Variants in NEK11 observed in about 807,000 individuals in gnomAD.
NEK11 encodes the protein serine/threonine-protein kinase Nek11.
In NEK11, 72 loss-of-function variants were observed where a neutral mutation model predicts 80.7. The ratio of observed to expected loss-of-function variants is 0.89; its 90% CI spans 0.74 to 1.08. NEK11 has a LOEUF of 1.08. Among genes scored for constraint, NEK11 ranks in the 50% least tolerant of loss-of-function variants. The pLI is 0.00. For missense variants in NEK11, 764 were observed against 763.6 expected, an observed-to-expected ratio of 1.00 and a Z score of -0.01; for synonymous variants, 251 against 260.7, an observed-to-expected ratio of 0.96 and a Z score of 0.36.
At chr3:131,174,957 C>T in intron 14 of NEK11, 1 of 1,400,532 alleles carries the variant, frequency 7.1e-7, no homozygotes, top group Non-Finnish European at 9.3e-7. Context: ...TTCAGCCACT[C>T]TTTAAGCAAT....
chr3:131,243,709 A>T (rs1270766531), intron 16 of NEK11, among the ~76,000 whole-genome samples: 2 of 152,216 alleles, frequency 1.3e-5, no homozygotes, highest in African/African-American at 4.8e-5. Context: ...GTCTCCAAGG[A>T]TGAAATAATT....
At chr3:131,146,228 G>C (rs1340665988) in intron 7 of NEK11, among the ~76,000 whole-genome samples, 1 of 152,056 alleles carries the variant, frequency 6.6e-6, no homozygotes, top group Non-Finnish European at 1.5e-5. Flanking sequence ...CTAGCCTTCT[G>C]TTACTTGGAC....
intron 17 of NEK11, among the ~76,000 whole-genome samples, chr3:131,348,180 A>C (rs2097395079): frequency 6.6e-6 from 1 of 152,186 alleles, no homozygotes; most frequent in Admixed American, 6.5e-5. Flanking sequence ...ACTCCTAAAA[A>C]TTTGATGTCA....
At chr3:131,272,142 G>C (rs865975194) in intron 16 of NEK11, among the ~76,000 whole-genome samples, 2 of 152,206 alleles carry the variant, frequency 1.3e-5, no homozygotes, top group Middle Eastern at 3.4e-3. Flanking sequence ...ATGTAAAATG[G>C]GGACTCCACC....
At chr3:131,256,224 C>T (rs200115408) in intron 16 of NEK11, among the ~76,000 whole-genome samples, 19 of 152,110 alleles carry the variant, frequency 1.2e-4, no homozygotes, top group Middle Eastern at 3.4e-3. Context: ...GTTCTTACCA[C>T]GATGAAATGA....
At chr3:131,335,421 T>C (rs1215343579) in intron 17 of NEK11, among the ~76,000 whole-genome samples, 1 of 152,180 alleles carries the variant, frequency 6.6e-6, no homozygotes, top group Non-Finnish European at 1.5e-5. Context: ...TTCAACAACC[T>C]TCATGCTAAA....
intron 17 of NEK11, among the ~76,000 whole-genome samples, chr3:131,321,269 T>C (rs189743217): frequency 6.6e-6 from 1 of 152,244 alleles, no homozygotes; most frequent in Non-Finnish European, 1.5e-5. Flanking sequence ...CCCTATTCAA[T>C]AAATGGTGCT....
intron 14 of NEK11, among the ~76,000 whole-genome samples, chr3:131,195,820 A>ATATATATATATG (rs1553929089): frequency 6.3e-5 from 9 of 143,506 alleles, no homozygotes; most frequent in African/African-American, 2.3e-4. Flanking sequence ...ATATATATAT[A>ATATATATATATG]AAATTGAAGA....
At chr3:131,299,360 A>G (rs2096636030) in intron 17 of NEK11, among the ~76,000 whole-genome samples, 1 of 151,966 alleles carries the variant, frequency 6.6e-6, no homozygotes, top group East Asian at 1.9e-4. Context: ...GTGCCATCAC[A>G]GTAACATTTT....
intron 3 of NEK11, among the ~76,000 whole-genome samples, chr3:131,042,737 T>C (rs571994923): frequency 5.9e-5 from 9 of 152,314 alleles, no homozygotes; most frequent in African/African-American, 2.2e-4. Flanking sequence ...GCAGCAGATT[T>C]CCCAGCACAG....
chr3:131,173,386 A>G (rs1161813457), intron 14 of NEK11, among the ~76,000 whole-genome samples: 1 of 152,086 alleles, frequency 6.6e-6, no homozygotes, highest in Non-Finnish European at 1.5e-5. Context: ...AGCCATCACT[A>G]TTTATGCATA....
intron 10 of NEK11, among the ~76,000 whole-genome samples, chr3:131,158,078 G>C (rs2090983521): frequency 6.6e-6 from 1 of 152,102 alleles, no homozygotes; most frequent in Admixed American, 6.5e-5. Context: ...ACCCATCAGA[G>C]GGGGCTGATC....
intron 3 of NEK11, among the ~76,000 whole-genome samples, chr3:131,061,331 G>GT (rs965829223): frequency 3.3e-5 from 5 of 152,336 alleles, no homozygotes; most frequent in Admixed American, 2.6e-4. Flanking sequence ...GTCAAGTTGA[G>GT]TTTAGCTGGC....
intron 4 of NEK11, among the ~76,000 whole-genome samples, chr3:131,090,362 A>G (rs575473899): frequency 1.3e-5 from 2 of 152,350 alleles, no homozygotes; most frequent in East Asian, 3.9e-4. Context: ...TGCAACCTTC[A>G]AGGGATAATC....
chr3:131,235,667 G>A (rs2095418982), intron 15 of NEK11, among the ~76,000 whole-genome samples: 1 of 152,100 alleles, frequency 6.6e-6, no homozygotes, highest in Non-Finnish European at 1.5e-5. Context: ...CAGCATCCAG[G>A]TGTTGTGCCA....
At chr3:131,195,143 G>A (rs1188095451) in intron 14 of NEK11, among the ~76,000 whole-genome samples, 1 of 152,174 alleles carries the variant, frequency 6.6e-6, no homozygotes, top group African/African-American at 2.4e-5. Flanking sequence ...GTAAAGCAGA[G>A]TTTGCCATTG....
At chr3:131,270,210 C>CA (rs1266072442) in intron 16 of NEK11, among the ~76,000 whole-genome samples, 2 of 152,114 alleles carry the variant, frequency 1.3e-5, no homozygotes, top group Admixed American at 1.3e-4. Flanking sequence ...ACAGACCCCC[C>CA]AAAAAACAGC....
At chr3:131,033,302 A>G (rs113612320) in intron 3 of NEK11, among the ~76,000 whole-genome samples, 47 of 152,316 alleles carry the variant, frequency 3.1e-4, no homozygotes, top group Non-Finnish European at 5.1e-4. Context: ...TTTACATACT[A>G]GACCACAAAC....
chr3:131,056,592 T>C (rs2069546373), intron 3 of NEK11, among the ~76,000 whole-genome samples: 1 of 152,180 alleles, frequency 6.6e-6, no homozygotes, highest in South Asian at 2.1e-4. Flanking sequence ...GTGCCTTCTT[T>C]CAGAAGATAT....
Sources: allele counts gnomAD v4.1 joint callset (sites outside exome capture counted in the v4.1 genomes callset), GRCh38; gene constraint gnomAD v4.1.1; transcripts MANE v1.5; gene names NCBI Gene and HGNC (gene_info 2026-07-23, HGNC 2026-07-21).